TLCD3B: variants seen among roughly 807,000 people sequenced by gnomAD.
TLCD3B encodes the protein ceramide synthase.
Under a neutral mutation model 23.0 loss-of-function variants are expected in TLCD3B, and 9 were observed. The observed-to-expected ratio is 0.39, with a 90% CI of 0.24 to 0.68. The LOEUF (loss-of-function observed/expected upper bound fraction) is 0.68, where lower values mean the gene tolerates loss of function less well. Ranked by LOEUF, TLCD3B falls within the 30% of genes least tolerant of loss-of-function variation. The pLI is 0.44. For missense variants in TLCD3B, 307 were observed against 371.8 expected, an observed-to-expected ratio of 0.83 and a Z score of 1.43; for synonymous variants, 161 against 161.0, an observed-to-expected ratio of 1.00 and a Z score of 0.00.
chr16:30,026,648 G>T lies in TLCD3B; in HGVS notation c.405C>A (p.His135Gln). 12 of 1,613,842 alleles carry T rather than the reference G, an allele frequency of 7.4e-6. No homozygotes were observed. The highest frequency in any genetic ancestry group is 1.0e-5 in the Non-Finnish European group (12 of 1,180,004). ...AGCACACCAGCACCATGGCGGCATG[G>T]TGGAGCACCATGAGGAACTCCTTGT... ...YLHKEFLMVL[H>Q]HAAMVLVCFP... The change falls in exon 3 of 5, where the codon CAC becomes CAA. Residue 135 changes from histidine (H) to glutamine (Q), a missense_variant. By Grantham distance (24) the His-to-Gln change is conservative. Transcript: ENST00000380495.
In TLCD3B at chr16:30,025,883, G is replaced by A. The variant is rs1466119910; in HGVS notation, c.445-62C>T. 6.2e-6 allele frequency: 8 copies of A among 1,300,336 alleles called. No homozygotes were observed. Among genetic ancestry groups the A allele is most frequent in the African/African-American group, 4.4e-5 (3 of 68,616 alleles). The allele number at this position is 1,300,336 out of a possible 1,614,324, so 80.5% of individuals were successfully genotyped here. A position where few individuals can be genotyped will look rare whatever the true frequency, so the allele number is the denominator to read the frequency against. On this transcript the variant is annotated intron_variant, in intron 3 of 4. Transcript: ENST00000380495. The surrounding 1 kb of genome is among the most constrained non-coding windows in gnomAD (Gnocchi z 4.1). ...CTCCCTGGGTTCTTGGGCAGCCCCC[G>A]CCCTTCCTCTTTCCCCTCTGTCACT...
At chr16:30,031,781 C>T (rs2071366826), upstream of TLCD3B, among the ~76,000 whole-genome samples, 1 of 152,220 alleles carries the variant, frequency 6.6e-6, no homozygotes, top group South Asian at 2.1e-4. Context: ...GCTGCAGGAG[C>T]TCCGAGGTCA....
At chr16:30,032,049 C>G (rs141450505), upstream of TLCD3B, among the ~76,000 whole-genome samples, 1,367 of 152,274 alleles carry the variant, frequency 9.0e-3, 18 homozygotes, top group African/African-American at 0.031. Flanking sequence ...CCTCAGTTTC[C>G]TTAATGCTAC....
chr16:30,045,397 TGTGTGTG>T (rs1409318978), intron 2 of TLCD3B, among the ~76,000 whole-genome samples: 27 of 130,376 alleles, frequency 2.1e-4, no homozygotes, highest in Admixed American at 8.7e-4. Flanking sequence ...GTGGGTATGG[TGTGTGTG>T]GTGTGTGGTG....
chr16:30,049,879 G>A (rs1596784031), intron 1 of TLCD3B, among the ~76,000 whole-genome samples: 1 of 150,578 alleles, frequency 6.6e-6, no homozygotes, highest in East Asian at 1.9e-4. Context: ...CGCTGAGATC[G>A]CACCACTGCA....
At chr16:30,026,870 G>T in intron 2 of TLCD3B, 27 bp from the exon 3 acceptor site, 1 of 1,594,606 alleles carries the variant, frequency 6.3e-7, no homozygotes, top group South Asian at 1.1e-5. Context: ...CGGGGTGGGG[G>T]AGCAAGGAGG....
intron 3 of TLCD3B, chr16:30,036,436 G>A (rs1460052385): frequency 4.8e-6 from 6 of 1,256,088 alleles, no homozygotes. Context: ...TGTGGAGCAG[G>A]CACAGGCAGG....
chr16:30,051,097 T>C (rs1030402063), intron 1 of TLCD3B, among the ~76,000 whole-genome samples: 6 of 152,092 alleles, frequency 3.9e-5, no homozygotes, highest in Admixed American at 3.3e-4. Flanking sequence ...AATTCATTCA[T>C]AGAATCAGTG....
intron 3 of TLCD3B, among the ~76,000 whole-genome samples, chr16:30,039,095 C>T: frequency 8.2e-6 from 1 of 122,080 alleles, no homozygotes; most frequent in African/African-American, 3.3e-5. Context: ...TCTCCTCCTC[C>T]TTCCTCTCTT....
At chr16:30,032,281 G>A (rs2071379214), upstream of TLCD3B, among the ~76,000 whole-genome samples, 1 of 152,260 alleles carries the variant, frequency 6.6e-6, no homozygotes, top group Admixed American at 6.5e-5. Flanking sequence ...CATGACAAGG[G>A]CCTGTTATGC....
intron 1 of TLCD3B, among the ~76,000 whole-genome samples, chr16:30,050,907 C>T (rs1290513623): frequency 1.3e-5 from 2 of 152,064 alleles, no homozygotes; most frequent in African/African-American, 4.8e-5. Context: ...TTTAGGAAGT[C>T]GGAGGCCTCC....
intron 2 of TLCD3B, among the ~76,000 whole-genome samples, chr16:30,042,479 C>T (rs887475946): frequency 1.3e-5 from 2 of 152,098 alleles, no homozygotes; most frequent in Non-Finnish European, 2.9e-5. Context: ...CCGCTTTGGC[C>T]TCCCAAAGTG....
intron 3 of TLCD3B, chr16:30,036,540 C>G: frequency 6.3e-6 from 4 of 633,150 alleles, no homozygotes; most frequent in South Asian, 1.9e-5. Context: ...TGCAAAGGCA[C>G]GAGGCTGCTC....
chr16:30,024,815 G>A lies in TLCD3B; in HGVS notation c.*368C>T, dbSNP rs750486665. 8 of 234,060 alleles carry A rather than the reference G, an allele frequency of 3.4e-5. No individual in the cohort carries two copies. Among genetic ancestry groups the A allele is most frequent in the Admixed American group, 5.3e-5 (1 of 18,778 alleles). 14.5% of individuals were successfully genotyped at this position (234,060 alleles called of 1,614,324 possible). ...TCCTCTCGGGTGATGGGGAGCCCTG[G>A]GGGATGGCAGCATAGGGGCTGGGAT... On this transcript the variant is annotated 3_prime_UTR_variant, in exon 5 of 5. Transcript: ENST00000380495.
rs1038958651 is a variant in TLCD3B, at chr16:30,025,142, G to A, written c.*41C>T. ...ATCAGCCCCAGAGCCCTGTCTCCAC[G>A]GGGGTGGGGGTGGGGAGGGGGAGGG... On this transcript the variant is annotated 3_prime_UTR_variant, in exon 5 of 5. Transcript: ENST00000380495. The surrounding 1 kb of genome is among the most constrained non-coding windows in gnomAD (Gnocchi z 4.1). 30 of 1,287,932 alleles carry A rather than the reference G, an allele frequency of 2.3e-5. No individual in the cohort carries two copies. The highest frequency in any genetic ancestry group is 6.2e-5 in the South Asian group (4 of 64,004). The allele number at this position is 1,287,932 out of a possible 1,614,324, so 79.8% of individuals were successfully genotyped here.
chr16:30,039,107 T>C lies in TLCD3B; in HGVS notation c.-67+1888A>G, dbSNP rs113534115. Among the ~76,000 whole-genome samples, 469 of 115,670 alleles carry C rather than the reference T, an allele frequency of 4.1e-3. 3 individuals are homozygous for C. Among genetic ancestry groups the C allele is most frequent in the South Asian group, 6.5e-3 (22 of 3,370 alleles). The allele number at this position is 115,670 out of a possible 152,430, so 75.9% of individuals were successfully genotyped here. On this transcript the variant is annotated intron_variant, in intron 3 of 6. Transcript: ENST00000561666. ...CCTTCTCCTCCTCCTTCCTCTCTTT[T>C]TTTTTTTTTTTTTTTTTTTTTTTTT...
At chr16:30,044,306 A>G (rs1388625597) in intron 2 of TLCD3B, among the ~76,000 whole-genome samples, 1 of 150,298 alleles carries the variant, frequency 6.7e-6, no homozygotes, top group Admixed American at 6.7e-5. Context: ...CTAACCATGT[A>G]CTTTATTTTC....
At chr16:30,030,091 C>T (rs939495036) in intron 1 of TLCD3B, 2 of 1,386,886 alleles carry the variant, frequency 1.4e-6, no homozygotes, top group Admixed American at 4.4e-5. Flanking sequence ...TGGCCCTGGC[C>T]TCAGTCCCTA....
intron 2 of TLCD3B, among the ~76,000 whole-genome samples, chr16:30,027,941 A>AG (rs971765511): frequency 2.6e-5 from 4 of 152,302 alleles, no homozygotes; most frequent in African/African-American, 9.6e-5. Flanking sequence ...GGGGAGCCTG[A>AG]GGCAGGCGGC....
Sources: gnomAD v4.1 joint callset for allele counts (sites outside exome capture counted in the v4.1 genomes callset) on GRCh38, gnomAD v4.1.1 for gene constraint, Gnocchi (gnomAD v3.1) non-coding constraint, MANE v1.5 for transcripts, NCBI Gene and HGNC (gene_info 2026-07-23, HGNC 2026-07-21) for gene names.